The following PFKP variants were observed in gnomAD, a reference collection of about 807,000 sequenced individuals.
The protein encoded by PFKP is phosphofructokinase, platelet.
A neutral mutation model predicts 94.3 loss-of-function variants in PFKP; 101 were observed. The ratio of observed to expected loss-of-function variants is 1.07; its 90% confidence interval spans 0.91 to 1.26. PFKP has a LOEUF of 1.26. Ranked by LOEUF, PFKP falls within the 50% of genes most tolerant of loss-of-function variation. The pLI, the probability that PFKP is intolerant of heterozygous loss-of-function variation, is 0.00. For missense variants in PFKP, 1,145 were observed against 1,103.3 expected, an observed-to-expected ratio of 1.04 and a Z score of -0.53; for synonymous variants, 573 against 432.6, an observed-to-expected ratio of 1.32 and a Z score of -4.03.
chr10:3,105,305 T>C, intron 6 of PFKP, 88 bp from the exon 7 acceptor site: 1 of 1,319,786 alleles, frequency 7.6e-7, no homozygotes, highest in South Asian at 1.2e-5. Flanking sequence ...GCGTTAGGTC[T>C]GCACGTCTGT....
At chr10:3,069,165 G>T in intron 1 of PFKP, 5 of 1,091,788 alleles carry the variant, frequency 4.6e-6, no homozygotes, top group Non-Finnish European at 5.8e-6. Context: ...GGGAGACCCG[G>T]GTGGCAGCGC....
rs55739223 is a variant in PFKP, at chr10:3,100,056, G to GGTGTGTGTGTGTGT, written c.264+720_264+733dup. Among the ~76,000 whole-genome samples the GGTGTGTGTGTGTGT allele has an allele frequency of 9.9e-3, 1,362 of 137,758 alleles. 8 individuals are homozygous for GGTGTGTGTGTGTGT. The highest frequency in any genetic ancestry group is 0.012 in the Non-Finnish European group (795 of 65,652). 90.4% of individuals were successfully genotyped at this position (137,758 alleles called of 152,430 possible). On this transcript the variant is annotated intron_variant, in intron 3 of 21. Coordinates refer to ENST00000381125, the MANE Select transcript of PFKP (RefSeq NM_002627.5). ...GGTGTCCTTGTATGTGTAGGTGTGT[G>GGTGTGTGTGTGTGT]GTGTGTGTGTGTGTGTGTGTGTGTG... is the stretch of plus-strand genomic sequence containing the variant.
At chr10:3,134,446 T>TTGAATAGAA in intron 19 of PFKP, 37 bp from the exon 20 acceptor site, 1 of 1,178,148 alleles carries the variant, frequency 8.5e-7, no homozygotes, top group Non-Finnish European at 1.3e-6. Context: ...AGTGTTACTG[T>TTGAATAGAA]ATAACTGGTA....
chr10:3,093,052 C>T (rs1227487217), intron 2 of PFKP, among the ~76,000 whole-genome samples: 1 of 150,064 alleles, frequency 6.7e-6, no homozygotes, highest in African/African-American at 2.5e-5. Context: ...GCCTGAACTC[C>T]TGGGATGTGT....
chr10:3,085,990 C>T (rs575342282), intron 2 of PFKP, among the ~76,000 whole-genome samples: 41 of 144,262 alleles, frequency 2.8e-4, no homozygotes, highest in Admixed American at 1.4e-3. Context: ...TTTGGGTGGG[C>T]GGGGGAGAGG....
intron 16 of PFKP, chr10:3,125,385 C>T (rs1329507232): frequency 1.8e-6 from 1 of 571,080 alleles, no homozygotes; most frequent in Non-Finnish European, 2.5e-6. Context: ...TCACACTGGC[C>T]AGAACAGGGT....
At chr10:3,101,001 G>T (rs183486751) in intron 3 of PFKP, 3 of 1,611,532 alleles carry the variant, frequency 1.9e-6, no homozygotes, top group South Asian at 2.2e-5. Context: ...TGCTCTGGTG[G>T]TCAGTGGGCT....
intron 2 of PFKP, among the ~76,000 whole-genome samples, chr10:3,097,569 G>A (rs1291687827): frequency 6.6e-6 from 1 of 152,168 alleles, no homozygotes; most frequent in Admixed American, 6.5e-5. Context: ...CAGCCTGTGA[G>A]CCAGGGCCTG....
chr10:3,087,834 T>C (rs1311420911), intron 2 of PFKP, among the ~76,000 whole-genome samples: 1 of 152,098 alleles, frequency 6.6e-6, no homozygotes, highest in Non-Finnish European at 1.5e-5. Flanking sequence ...CCTCTGGGCG[T>C]CTTGGGAACA....
intron 8 of PFKP, chr10:3,107,681 G>A: frequency 1.1e-6 from 1 of 949,212 alleles, no homozygotes; most frequent in Non-Finnish European, 1.3e-6. Flanking sequence ...TTGCCACAGT[G>A]GGAAAAGGCG....
rs759481609 is a variant in PFKP at position 3,105,449 on chromosome 10, A to G, written c.722A>G (p.Glu241Gly). Residue 241 changes from glutamate (E) to glycine (G), a missense_variant, in exon 7 of 22, where the codon GAA (glutamate) becomes GGA (glycine). Physicochemically the swap from Glu to Gly is moderately conservative, Grantham distance 98. Coordinates refer to ENST00000381125, the MANE Select transcript of PFKP (RefSeq NM_002627.5). ...ACGADWVFLP[E>G]SPPEEGWEEQ... Reference sequence around the variant, plus strand: ...GGTGCGGACTGGGTGTTCCTTCCAGAATCTCCACCAGAGGAAGGCTGGGAG... The same window carrying G: ...GGTGCGGACTGGGTGTTCCTTCCAGGATCTCCACCAGAGGAAGGCTGGGAG... 2.5e-6 allele frequency: 4 copies of G among 1,613,584 alleles called. No individual in the cohort carries two copies. The highest frequency in any genetic ancestry group is 3.4e-6 in the Non-Finnish European group (4 of 1,179,934).
intron 5 of PFKP, among the ~76,000 whole-genome samples, chr10:3,104,448 G>A (rs1052799193): frequency 1.3e-5 from 2 of 152,222 alleles, no homozygotes; most frequent in Admixed American, 6.5e-5. Flanking sequence ...CATGTGGAAT[G>A]GTAAATAGAA....
chr10:3,105,600 TTC>T (rs1447711519), intron 7 of PFKP, 99 bp downstream of exon 7: 30 of 815,114 alleles, frequency 3.7e-5, no homozygotes, highest in South Asian at 8.8e-5. Flanking sequence ...GTGAAAAAAT[TTC>T]TCTGTCTCCA....
At position 3,101,084 on chromosome 10, in the gene PFKP, T is replaced by C. The variant is rs879158276; in HGVS notation, c.265-281T>C. ...AGGCGGCTGCTGTGACACCGCAGGC[T>C]GGTTCCTGCTCCATGTATTTAACTG... On this transcript the variant is annotated intron_variant, in intron 3 of 21. Coordinates refer to ENST00000381125, the MANE Select transcript of PFKP (RefSeq NM_002627.5). 30 of 1,119,278 alleles carry C rather than the reference T, an allele frequency of 2.7e-5. No individual in the cohort carries two copies. In the South Asian group the frequency reaches 3.6e-4, roughly 13 times the overall value. The allele number at this position is 1,119,278 out of a possible 1,614,324, so 69.3% of individuals were successfully genotyped here.
intron 1 of PFKP, among the ~76,000 whole-genome samples, chr10:3,067,913 A>T (rs953518510): frequency 2.0e-5 from 3 of 151,990 alleles, no homozygotes; most frequent in Admixed American, 1.3e-4. Context: ...CGGAAGCGGC[A>T]GGGGTACCTG....
chr10:3,092,001 A>G (rs151139740), intron 2 of PFKP, among the ~76,000 whole-genome samples: 1,607 of 152,220 alleles, frequency 0.011, 15 homozygotes, highest in Middle Eastern at 0.024. Flanking sequence ...ATGCCTTTTT[A>G]TGTTGAAAGG....
intron 16 of PFKP, among the ~76,000 whole-genome samples, chr10:3,128,198 G>C (rs1050614488): frequency 6.6e-6 from 1 of 152,342 alleles, no homozygotes; most frequent in Admixed American, 6.5e-5. Context: ...GCTGCTGATG[G>C]TGCACTGGTG....
intron 1 of PFKP, among the ~76,000 whole-genome samples, chr10:3,079,263 C>A (rs963405462): frequency 3.3e-5 from 5 of 151,162 alleles, no homozygotes; most frequent in Non-Finnish European, 7.4e-5. Flanking sequence ...GAGACAGAGT[C>A]TCGCTCTGTC....
chr10:3,071,812 T>C (rs1322643923), intron 1 of PFKP, among the ~76,000 whole-genome samples: 2 of 152,244 alleles, frequency 1.3e-5, no homozygotes, highest in Non-Finnish European at 2.9e-5. Flanking sequence ...ACCTTTCCAA[T>C]CCTAGTGAGA....
Sources: allele counts gnomAD v4.1 joint callset (sites outside exome capture counted in the v4.1 genomes callset), GRCh38; gene constraint gnomAD v4.1.1; transcripts MANE v1.5; gene names NCBI Gene and HGNC (gene_info 2026-07-23, HGNC 2026-07-21).